Variants in ZNF106 observed in about 807,000 individuals in gnomAD.
ZNF106 encodes SH3-domain binding protein 3.
ZNF106 carries 67 observed loss-of-function variants against 195.1 expected under a neutral mutation model. That is an observed-to-expected ratio of 0.34 (90% confidence interval 0.28 to 0.42). The LOEUF (loss-of-function observed/expected upper bound fraction) is 0.42, where lower values mean the gene tolerates loss of function less well. Ranked by LOEUF, ZNF106 falls within the 10% of genes least tolerant of loss-of-function variation. The pLI is 1.00. For missense variants in ZNF106, 2,118 were observed against 2,304.5 expected, an observed-to-expected ratio of 0.92 and a Z score of 1.66; for synonymous variants, 784 against 818.6, an observed-to-expected ratio of 0.96 and a Z score of 0.72.
chr15:42,486,250 G>A (rs548234871), intron 1 of ZNF106, among the ~76,000 whole-genome samples: 21 of 151,680 alleles, frequency 1.4e-4, no homozygotes, highest in Non-Finnish European at 2.1e-4. Context: ...GAGCCACCGC[G>A]CCCAGCCCTT....
chr15:42,462,547 G>A (rs923896151), intron 3 of ZNF106, among the ~76,000 whole-genome samples: 11 of 151,638 alleles, frequency 7.3e-5, no homozygotes, highest in East Asian at 2.0e-4. Context: ...GCAGTGAGCC[G>A]AGATCACACC....
chr15:42,439,626 C>G lies in ZNF106; in HGVS notation c.3951G>C (p.Gly1317=). 6.2e-7 allele frequency: 1 copy of G among 1,613,764 alleles called. No individual in the cohort carries two copies. Among genetic ancestry groups the G allele is most frequent in the Non-Finnish European group, 8.5e-7 (1 of 1,179,910 alleles). ...CACTATTGCCTTTGGTTGGCTCTTC[C>G]CCTTCTTTATTTATGCTAGAAAGAC... is the stretch of plus-strand genomic sequence containing the variant. ...SAGLSSINKE[G]EEPTKGNSGS... is the part of the protein sequence containing the mutation. Residue 1317 remains glycine, a synonymous_variant, in exon 11 of 22, where the codon GGG becomes GGC. Transcript: ENST00000564754.
intron 2 of ZNF106, 61 bp from the exon 3 acceptor site, chr15:42,466,175 C>T: frequency 7.5e-7 from 1 of 1,338,390 alleles, no homozygotes. Flanking sequence ...AAAAAAACTC[C>T]TCTGTTCCTC....
Position 42,442,348 on chromosome 15 carries a change from C to T in ZNF106, c.3488G>A (p.Ser1163Asn), listed in dbSNP as rs1338774420. 1 of 1,614,216 alleles carries T rather than the reference C, an allele frequency of 6.2e-7. No homozygotes were observed. Among genetic ancestry groups the T allele is most frequent in the Non-Finnish European group, 8.5e-7 (1 of 1,180,046 alleles). The part of the protein sequence containing the change: ...PCSLTRERRN[S>N]RSQTSIDAAL... Reference sequence around the variant, plus strand: ...GGCATCAATGGATGTTTGAGATCTACTGTTCCTTCGTTCTCGTGTGAGGCT... The same window carrying T: ...GGCATCAATGGATGTTTGAGATCTATTGTTCCTTCGTTCTCGTGTGAGGCT... Residue 1163 changes from serine (S) to asparagine (N), a missense_variant, in exon 10 of 22, where the codon AGT becomes AAT. Coordinates refer to ENST00000564754, the MANE Select transcript of ZNF106 (RefSeq NM_001366845.3).
intron 14 of ZNF106, among the ~76,000 whole-genome samples, chr15:42,430,627 C>A (rs978834857): frequency 6.6e-6 from 1 of 152,082 alleles, no homozygotes; most frequent in East Asian, 1.9e-4. Context: ...TCAAGCGATC[C>A]TCCCAACTTG....
At chr15:42,484,738 A>AAAACAAAC (rs61486447) in intron 1 of ZNF106, among the ~76,000 whole-genome samples, 1 of 151,370 alleles carries the variant, frequency 6.6e-6, no homozygotes, top group South Asian at 2.1e-4. Flanking sequence ...ACTCTGTCTC[A>AAAACAAAC]AAACAAACAC....
At chr15:42,427,760 T>G (rs1595438966) in intron 15 of ZNF106, 1 of 317,482 alleles carries the variant, frequency 3.1e-6, no homozygotes, top group Non-Finnish European at 6.1e-6. Flanking sequence ...ACATGACTCA[T>G]TATTTGGCCC....
intron 3 of ZNF106, among the ~76,000 whole-genome samples, chr15:42,459,391 G>A (rs887530240): frequency 2.0e-5 from 3 of 152,018 alleles, no homozygotes; most frequent in Admixed American, 1.3e-4. Flanking sequence ...CAGGAGAATC[G>A]CTTGAACCCA....
At chr15:42,419,994 T>A (rs542946299) in intron 20 of ZNF106, among the ~76,000 whole-genome samples, 461 of 152,228 alleles carry the variant, frequency 3.0e-3, no homozygotes, top group African/African-American at 0.011. Flanking sequence ...GTTAAGTTTT[T>A]CCTCTGTCAG....
Position 42,451,034 on chromosome 15 carries a change from T to C in ZNF106, c.1238A>G (p.Gln413Arg). The part of the protein sequence containing the change: ...FDFSLITTGI[Q>R]EPQTDETRNS... ...ACGTGTTTCATCAGTTTGGGGCTCCTGTATTCCTGTAGTTATCAAGCTAAA... is the reference window on the plus strand; with the variant it reads ...ACGTGTTTCATCAGTTTGGGGCTCCCGTATTCCTGTAGTTATCAAGCTAAA... Residue 413 changes from glutamine to arginine, a missense_variant, in exon 5 of 22, where the codon CAG becomes CGG. Coordinates refer to ENST00000564754, the MANE Select transcript of ZNF106 (RefSeq NM_001366845.3). 6.2e-7 allele frequency: 1 copy of C among 1,614,250 alleles called. No individual in the cohort carries two copies. The highest frequency in any genetic ancestry group is 8.5e-7 in the Non-Finnish European group (1 of 1,180,046).
chr15:42,413,918 A>G lies in ZNF106; in HGVS notation c.*3386T>C, dbSNP rs568101941. ...AGAGACGTATGCCAAAATTATTTTTAACCTAATTAAAAACTTTCACAGAAA... is the reference window on the plus strand; with the variant it reads ...AGAGACGTATGCCAAAATTATTTTTGACCTAATTAAAAACTTTCACAGAAA... On this transcript the variant is annotated 3_prime_UTR_variant, in exon 22 of 22. Transcript: ENST00000564754. 2 of 152,240 alleles carry G rather than the reference A, an allele frequency of 1.3e-5. No individual in the cohort carries two copies. Among genetic ancestry groups the G allele is most frequent in the Non-Finnish European group, 2.9e-5 (2 of 68,040 alleles). 9.4% of individuals were successfully genotyped at this position (152,240 alleles called of 1,614,324 possible).
In ZNF106 at chr15:42,439,103, G is replaced by A. The variant is rs534673686; in HGVS notation, c.4474C>T (p.Arg1492Cys). 1.1e-4 allele frequency: 171 copies of A among 1,614,146 alleles called. 1 individual carries two copies. The Admixed American group carries it at 2.5e-3, about 24-fold the overall frequency. ...GAGCTAACTTCATCACACCCAGAAC[G>A]AGACGTTTCTAGTGGGTTTTGCTCT... is the stretch of plus-strand genomic sequence containing the variant. ...STEQNPLETS[R>C]SGCDEVSSTS... is the part of the protein sequence containing the mutation. The change falls in exon 11 of 22, where the codon CGT becomes TGT. Residue 1492 changes from arginine (R) to cysteine (C), a missense_variant. Transcript: ENST00000564754.
intron 1 of ZNF106, among the ~76,000 whole-genome samples, chr15:42,483,732 TG>T (rs1245690897): frequency 6.6e-6 from 1 of 152,212 alleles, no homozygotes; most frequent in East Asian, 1.9e-4. Context: ...ACTTTCTTGT[TG>T]ATCTCTGTGA....
At chr15:42,424,267 C>T (rs933139495) in intron 16 of ZNF106, 21 of 522,094 alleles carry the variant, frequency 4.0e-5, no homozygotes, top group African/African-American at 2.3e-4. Flanking sequence ...TGTATTATTA[C>T]GTTTGTTACC....
Position 42,442,112 on chromosome 15 carries a change from A to T in ZNF106, c.3724T>A (p.Ser1242Thr). Residue 1242 changes from serine (S) to threonine (T), a missense_variant, in exon 10 of 22, where the codon TCT becomes ACT. Transcript: ENST00000564754. The stretch of plus-strand genomic sequence containing the variant: ...AATTCCTTGGACACATTGCAGGCAG[A>T]GCTTGGTGGCACAGCATTCACATTC... ...DENVNAVPPS[S>T]ACNVSKELLE... 1 of 1,613,922 alleles carries T rather than the reference A, an allele frequency of 6.2e-7. No homozygotes were observed. The highest frequency in any genetic ancestry group is 1.1e-5 in the South Asian group (1 of 91,044).
rs758896960 is a variant in ZNF106 at position 42,455,010 on chromosome 15, TTTAA to T, written c.317+1944_317+1947del. Among the ~76,000 whole-genome samples, 342 of 152,310 alleles carry T rather than the reference TTTAA, an allele frequency of 2.2e-3. 1 individual carries two copies. Among genetic ancestry groups the T allele is most frequent in the Non-Finnish European group, 2.3e-3 (155 of 68,032 alleles). ...ATGTCTAATCTATTCTGACTTAATGTTTAATTATTTACACAGATAAAGCTAATAA... is the reference window on the plus strand; with the variant it reads ...ATGTCTAATCTATTCTGACTTAATGTTTATTTACACAGATAAAGCTAATAA... On this transcript the variant is annotated intron_variant, in intron 4 of 21. Coordinates refer to ENST00000564754, the MANE Select transcript of ZNF106 (RefSeq NM_001366845.3).
At chr15:42,418,359 T>C (rs929109283) in intron 20 of ZNF106, among the ~76,000 whole-genome samples, 10 of 144,570 alleles carry the variant, frequency 6.9e-5, no homozygotes, top group Admixed American at 2.1e-4. Context: ...CGAAAGGGCT[T>C]TTTTTTTTTT....
chr15:42,421,465 G>T (rs1381405252), intron 19 of ZNF106, among the ~76,000 whole-genome samples: 1 of 152,068 alleles, frequency 6.6e-6, no homozygotes, highest in Non-Finnish European at 1.5e-5. Context: ...GAAAAGAAAG[G>T]ATTCTACTAC....
At chr15:42,479,907 T>C (rs994476125) in intron 1 of ZNF106, among the ~76,000 whole-genome samples, 1 of 152,294 alleles carries the variant, frequency 6.6e-6, no homozygotes, top group Admixed American at 6.5e-5. Context: ...TGGAGTGCCA[T>C]GACACAAACA....
Sources: gnomAD v4.1 joint callset for allele counts (sites outside exome capture counted in the v4.1 genomes callset) on GRCh38, gnomAD v4.1.1 for gene constraint, MANE v1.5 for transcripts, NCBI Gene and HGNC (gene_info 2026-07-23, HGNC 2026-07-21) for gene names.